VPS13B: variants seen among roughly 807,000 people sequenced by gnomAD.
VPS13B encodes the protein intermembrane lipid transfer protein VPS13B.
Under a neutral mutation model 426.4 loss-of-function variants are expected in VPS13B, and 285 were observed. The observed-to-expected ratio is 0.67, with a 90% CI of 0.61 to 0.74. VPS13B has a LOEUF of 0.74. VPS13B is among the 30% of genes least tolerant of loss of function. VPS13B has a pLI of 0.00. For missense variants in VPS13B, 4,537 were observed against 4,782.6 expected (o/e 0.95, Z 1.51); for synonymous variants, 1,676 against 1,676.4 (o/e 1.00, Z 0.01).
intron 21 of VPS13B, among the ~76,000 whole-genome samples, chr8:99,423,643 C>G (rs890605107): frequency 6.6e-6 from 1 of 152,056 alleles, no homozygotes; most frequent in Non-Finnish European, 1.5e-5. Context: ...CTATTTTCCC[C>G]ATATATAAAA....
chr8:99,401,571 A>T (rs781373920), intron 21 of VPS13B, among the ~76,000 whole-genome samples: 1 of 152,106 alleles, frequency 6.6e-6, no homozygotes, highest in African/African-American at 2.4e-5. Flanking sequence ...TGTATTAAAT[A>T]TTAATAAACT....
At chr8:99,853,351 C>T in intron 55 of VPS13B, 100 bp from the exon 56 acceptor site, 1 of 1,209,882 alleles carries the variant, frequency 8.3e-7, no homozygotes, top group Non-Finnish European at 1.2e-6. Context: ...TCTGATGTCC[C>T]ATCAGGAGGT....
At chr8:99,686,393 C>G (rs983027513) in intron 35 of VPS13B, among the ~76,000 whole-genome samples, 1 of 152,090 alleles carries the variant, frequency 6.6e-6, no homozygotes, top group Non-Finnish European at 1.5e-5. Flanking sequence ...CACTCAAGGT[C>G]CTAGGGCTCT....
chr8:99,414,663 T>C (rs1431580327), intron 21 of VPS13B, among the ~76,000 whole-genome samples: 1 of 152,204 alleles, frequency 6.6e-6, no homozygotes, highest in Non-Finnish European at 1.5e-5. Flanking sequence ...ATTTTATTTC[T>C]CCTTCGCTTA....
chr8:99,684,395 T>C (rs1385940719), intron 35 of VPS13B, among the ~76,000 whole-genome samples: 1 of 152,174 alleles, frequency 6.6e-6, no homozygotes, highest in East Asian at 1.9e-4. Context: ...AACAATAGAT[T>C]TCCCTAGTCC....
At chr8:99,571,026 C>A (rs1232539310) in intron 31 of VPS13B, among the ~76,000 whole-genome samples, 1 of 152,138 alleles carries the variant, frequency 6.6e-6, no homozygotes, top group African/African-American at 2.4e-5. Flanking sequence ...CTTTCTTATT[C>A]TTTCCTGTTT....
At chr8:99,120,554 A>G (rs1847886311) in intron 7 of VPS13B, 1 of 152,186 alleles carries the variant, frequency 6.6e-6, no homozygotes, top group Non-Finnish European at 1.5e-5. Flanking sequence ...TTTCAGCTGT[A>G]CAACAGGAAA....
At chr8:99,402,429 C>T (rs1815087663) in intron 21 of VPS13B, among the ~76,000 whole-genome samples, 1 of 152,006 alleles carries the variant, frequency 6.6e-6, no homozygotes, top group Non-Finnish European at 1.5e-5. Context: ...TGTTTCTGGT[C>T]GGGACTGGAA....
In VPS13B at chr8:99,870,905, C is replaced by T. The variant is rs151025899; in HGVS notation, c.11495+18C>T. ...TATGTCTGGTAAAATTATTGAGATA[C>T]GTGCTCAACTTTACATCCATATTGT... On this transcript the variant is annotated intron_variant, in intron 60 of 61. Transcript: ENST00000357162. 7.4e-5 allele frequency: 119 copies of T among 1,608,064 alleles called. No individual in the cohort carries two copies. The highest frequency in any genetic ancestry group is 8.8e-5 in the Non-Finnish European group (103 of 1,174,548).
At chr8:99,869,742 C>G (rs1817294306) in intron 59 of VPS13B, among the ~76,000 whole-genome samples, 1 of 152,248 alleles carries the variant, frequency 6.6e-6, no homozygotes, top group South Asian at 2.1e-4. Flanking sequence ...GTAAGAGGAT[C>G]TTAGAGCAGA....
chr8:99,877,535 T>C lies in VPS13B; in HGVS notation c.*1869T>C, dbSNP rs903626426. On this transcript the variant is annotated 3_prime_UTR_variant, in exon 62 of 62. Coordinates refer to ENST00000357162, the MANE Select transcript of VPS13B (RefSeq NM_152564.5). The stretch of plus-strand genomic sequence containing the variant: ...ACTGAATGTTACACATGAGTTTAAA[T>C]GGGTAATATACAGGTTTTGTTATAA... 15 of 152,564 alleles carry C rather than the reference T, an allele frequency of 9.8e-5. No individual in the cohort carries two copies. Among genetic ancestry groups the C allele is most frequent in the Non-Finnish European group, 1.8e-4 (12 of 68,030 alleles). The allele number at this position is 152,564 out of a possible 1,614,324, so 9.5% of individuals were successfully genotyped here.
At chr8:99,700,444 A>G (rs2130186323) in intron 36 of VPS13B, among the ~76,000 whole-genome samples, 1 of 152,358 alleles carries the variant, frequency 6.6e-6, no homozygotes, top group South Asian at 2.1e-4. Context: ...ACTGGTAACC[A>G]TTTACTTAAA....
At chr8:99,703,951 A>G (rs1373139075) in intron 36 of VPS13B, among the ~76,000 whole-genome samples, 1 of 152,138 alleles carries the variant, frequency 6.6e-6, no homozygotes, top group Non-Finnish European at 1.5e-5. Context: ...GATAAGGAAA[A>G]GGAAAATAGA....
At position 99,871,517 on chromosome 8, in the gene VPS13B, A is replaced by G. The variant is rs7844645; in HGVS notation, c.11565A>G (p.Ser3855=). The change falls in exon 61 of 62, where the codon TCA becomes TCG. Residue 3855 remains serine (S), a synonymous_variant. Transcript: ENST00000357162. ...TGGACGTGGTTCTGGTGAGGGGCTC[A>G]GGCCAGGAGCATGAAGGGTGCTTGC... ...MALDVVLVRG[S]GQEHEGCLLL... 9,472 of 1,614,200 alleles carry G rather than the reference A, an allele frequency of 5.9e-3. 453 individuals are homozygous for G. The African/African-American group carries it at 0.11, about 19-fold the overall frequency.
chr8:99,514,996 C>T (rs1340077026), intron 29 of VPS13B, among the ~76,000 whole-genome samples: 4 of 152,292 alleles, frequency 2.6e-5, no homozygotes, highest in East Asian at 1.9e-4. Flanking sequence ...ACCTGTGTGC[C>T]GAGCACCTGA....
chr8:99,459,991 T>A (rs1818741590), intron 23 of VPS13B, among the ~76,000 whole-genome samples: 1 of 152,156 alleles, frequency 6.6e-6, no homozygotes, highest in Admixed American at 6.5e-5. Flanking sequence ...TACTTTTGGT[T>A]TTGAATGAAA....
At chr8:99,035,142 CACT>C (rs1842686601) in intron 2 of VPS13B, among the ~76,000 whole-genome samples, 1 of 150,408 alleles carries the variant, frequency 6.6e-6, no homozygotes, top group Non-Finnish European at 1.5e-5. Flanking sequence ...CTGATTGTGC[CACT>C]GCACTCCAGC....
chr8:99,564,957 C>T (rs1825112744), intron 31 of VPS13B, among the ~76,000 whole-genome samples: 1 of 152,162 alleles, frequency 6.6e-6, no homozygotes, highest in African/African-American at 2.4e-5. Context: ...TTTGCTACAT[C>T]TGGGTTTATT....
chr8:99,420,801 C>CT (rs902165110), intron 21 of VPS13B, among the ~76,000 whole-genome samples: 10 of 152,092 alleles, frequency 6.6e-5, no homozygotes, highest in African/African-American at 2.2e-4. Context: ...AGGACCAAAT[C>CT]TTTTTGGGAA....
Sources: gnomAD v4.1 joint callset for allele counts (sites outside exome capture counted in the v4.1 genomes callset) on GRCh38, gnomAD v4.1.1 for gene constraint, MANE v1.5 for transcripts, NCBI Gene and HGNC (gene_info 2026-07-23, HGNC 2026-07-21) for gene names.